Variants in ATP2B4 observed in about 807,000 individuals in gnomAD.
The protein encoded by ATP2B4 is ATPase plasma membrane Ca2+ transporting 4.
A neutral mutation model predicts 110.3 loss-of-function variants in ATP2B4; 39 were observed. The ratio of observed to expected loss-of-function variants is 0.35; its 90% CI spans 0.27 to 0.46. The LOEUF (loss-of-function observed/expected upper bound fraction) is 0.46. Among genes scored for constraint, ATP2B4 ranks in the 20% least tolerant of loss-of-function variants. The pLI is 1.00. For missense variants in ATP2B4, 1,135 were observed against 1,530.9 expected (o/e 0.74, Z 4.32); for synonymous variants, 538 against 571.7 (o/e 0.94, Z 0.84).
rs1227109985 is a variant in ATP2B4, at chr1:203,705,254, T to C, written c.1099+1441T>C. 4.6e-5 allele frequency among the ~76,000 whole-genome samples: 7 copies of C among 152,240 alleles called. No homozygotes were observed. In the East Asian group the frequency reaches 1.2e-3, roughly 25 times the overall value. On this transcript the variant is annotated intron_variant, in intron 8 of 20. Coordinates refer to ENST00000357681, the MANE Select transcript of ATP2B4 (RefSeq NM_001684.5). Reference sequence around the variant, plus strand: ...CATGTCCATTCTGGTACCCAGCTAATTTTAACTACTGTGAAATCTCTTGCA... The same window carrying C: ...CATGTCCATTCTGGTACCCAGCTAACTTTAACTACTGTGAAATCTCTTGCA...
At chr1:203,718,727 A>G (rs1377114314) in intron 15 of ATP2B4, among the ~76,000 whole-genome samples, 1 of 152,204 alleles carries the variant, frequency 6.6e-6, no homozygotes, top group Non-Finnish European at 1.5e-5. Context: ...ACAAAATATC[A>G]ATAATATTAA....
At chr1:203,644,319 TAAAC>T (rs377730004) in intron 1 of ATP2B4, among the ~76,000 whole-genome samples, 229 of 150,728 alleles carry the variant, frequency 1.5e-3, no homozygotes, top group African/African-American at 5.4e-3. Context: ...AAATTTTCTC[TAAAC>T]AAACAGACCA....
At chr1:203,630,356 T>A (rs1663225186) in intron 1 of ATP2B4, among the ~76,000 whole-genome samples, 2 of 14,482 alleles carry the variant, frequency 1.4e-4, no homozygotes, top group African/African-American at 9.1e-5. Flanking sequence ...TTTCTCTCTC[T>A]CTCTCTCTCT....
At chr1:203,733,661 G>T in intron 20 of ATP2B4, 1 of 405,660 alleles carries the variant, frequency 2.5e-6, no homozygotes, top group Non-Finnish European at 4.3e-6. Flanking sequence ...CCTCTGCATT[G>T]CTCATTTCTT....
intron 2 of ATP2B4, among the ~76,000 whole-genome samples, chr1:203,689,343 A>G (rs4951377): frequency 0.83 from 126,391 of 152,188 alleles, 53,284 homozygotes; most frequent in East Asian, 0.97. Context: ...AATTTTGCAC[A>G]TTGGTCCTTA....
At chr1:203,635,896 A>G (rs1663422859) in intron 1 of ATP2B4, among the ~76,000 whole-genome samples, 1 of 152,136 alleles carries the variant, frequency 6.6e-6, no homozygotes, top group Non-Finnish European at 1.5e-5. Context: ...CTAAGAAAGT[A>G]AGGTCCTTTA....
chr1:203,632,680 A>G (rs1340652773), intron 1 of ATP2B4, among the ~76,000 whole-genome samples: 4 of 149,434 alleles, frequency 2.7e-5, no homozygotes, highest in Non-Finnish European at 5.9e-5. Flanking sequence ...CCCTGATTCT[A>G]TATTCATATT....
intron 1 of ATP2B4, chr1:203,657,285 CAG>C (rs1318468422): frequency 2.8e-6 from 2 of 725,834 alleles, no homozygotes; most frequent in Non-Finnish European, 5.0e-6. Flanking sequence ...TCCGACAAAG[CAG>C]AGTTTAGTAA....
At chr1:203,691,523 G>A (rs1002644156) in intron 2 of ATP2B4, among the ~76,000 whole-genome samples, 4 of 152,194 alleles carry the variant, frequency 2.6e-5, no homozygotes, top group Non-Finnish European at 5.9e-5. Context: ...AAAAGGCCAA[G>A]AGCAGGGGGC....
chr1:203,677,704 TC>T (rs1664869575), intron 1 of ATP2B4, among the ~76,000 whole-genome samples: 1 of 152,176 alleles, frequency 6.6e-6, no homozygotes, highest in Non-Finnish European at 1.5e-5. Context: ...CCTCAGGTGA[TC>T]CGCCCACCTC....
At chr1:203,710,086 G>A (rs892905823) in intron 11 of ATP2B4, among the ~76,000 whole-genome samples, 4 of 151,964 alleles carry the variant, frequency 2.6e-5, no homozygotes, top group East Asian at 1.9e-4. Flanking sequence ...GTGACTATTC[G>A]GCCAGGCGCA....
intron 1 of ATP2B4, among the ~76,000 whole-genome samples, chr1:203,673,048 G>A (rs1249108539): frequency 1.3e-5 from 2 of 152,220 alleles, no homozygotes; most frequent in East Asian, 1.9e-4. Flanking sequence ...AGAGGGAAGA[G>A]TGAAGGAGAC....
chr1:203,725,745 A>G (rs1350678815), intron 19 of ATP2B4, among the ~76,000 whole-genome samples: 1 of 151,934 alleles, frequency 6.6e-6, no homozygotes, highest in African/African-American at 2.4e-5. Flanking sequence ...TCTGCAGATA[A>G]TCCCTTAGTG....
At chr1:203,673,787 C>T (rs1664745143) in intron 1 of ATP2B4, among the ~76,000 whole-genome samples, 2 of 152,224 alleles carry the variant, frequency 1.3e-5, no homozygotes, top group Admixed American at 6.5e-5. Context: ...TGAGATGTGG[C>T]CTCCTCAGTC....
chr1:203,675,681 G>A (rs915176921), intron 1 of ATP2B4, among the ~76,000 whole-genome samples: 2 of 152,210 alleles, frequency 1.3e-5, no homozygotes, highest in African/African-American at 4.8e-5. Context: ...AGAAGGTGCT[G>A]TCAGAGTAGC....
intron 19 of ATP2B4, 24 bp downstream of exon 19, chr1:203,724,012 G>C: frequency 6.3e-7 from 1 of 1,584,418 alleles, no homozygotes. Flanking sequence ...CACCCTCCTG[G>C]TGCATTCTCA....
chr1:203,719,245 A>AAAAAAAAAAG (rs1558050066), intron 15 of ATP2B4, among the ~76,000 whole-genome samples: 51 of 98,848 alleles, frequency 5.2e-4, no homozygotes, highest in African/African-American at 1.7e-3. Context: ...AAAAAAAAAA[A>AAAAAAAAAAG]GCAAGAGAGA....
At chr1:203,729,764 G>C (rs762270100) in intron 20 of ATP2B4, 68 of 1,341,810 alleles carry the variant, frequency 5.1e-5, no homozygotes, top group Non-Finnish European at 6.8e-5. Context: ...CAATTGGGCA[G>C]GCATTGGAGT....
rs370533964 is a variant in ATP2B4 at position 203,632,623 on chromosome 1, G to A, written c.-465+5404G>A. Among the ~76,000 whole-genome samples, 22 of 151,344 alleles carry A rather than the reference G, an allele frequency of 1.5e-4. 1 individual carries two copies. Among genetic ancestry groups the A allele is most frequent in the Admixed American group, 5.9e-4 (9 of 15,208 alleles). On this transcript the variant is annotated intron_variant, in intron 1 of 20. Transcript: ENST00000357681. ...CTCCCAAAGTGCTGGGATTACAGGC[G>A]TGAGCCACCACGCCTGGCCTAATTT...
Sources: allele counts gnomAD v4.1 joint callset (sites outside exome capture counted in the v4.1 genomes callset), GRCh38; gene constraint gnomAD v4.1.1; transcripts MANE v1.5; gene names NCBI Gene and HGNC (gene_info 2026-07-23, HGNC 2026-07-21).